The following DNAH1 variants were observed in gnomAD, a reference collection of about 807,000 sequenced individuals.
DNAH1 encodes the protein dynein axonemal heavy chain 1, also known as axonemal beta dynein heavy chain 1.
Under a neutral mutation model 484.3 loss-of-function variants are expected in DNAH1, and 327 were observed. The ratio of observed to expected loss-of-function variants is 0.68; its 90% CI spans 0.62 to 0.74. The LOEUF is 0.74. Among genes scored for constraint, DNAH1 ranks in the 30% least tolerant of loss-of-function variants. DNAH1 has a pLI of 0.00. For missense variants in DNAH1, 5,052 were observed against 5,546.8 expected, an observed-to-expected ratio of 0.91 and a Z score of 2.83; for synonymous variants, 2,192 against 2,191.9, an observed-to-expected ratio of 1.00 and a Z score of 0.00.
In DNAH1 at chr3:52,362,576, C is replaced by A; in HGVS notation, c.5094+75C>A. On this transcript the variant is annotated intron_variant, in intron 31 of 77. Transcript: ENST00000420323. This position sits in a 1 kb window ranked among gnomAD's most constrained non-coding sequence, Gnocchi z 5.1. The stretch of plus-strand genomic sequence containing the variant: ...GTTCAGAGATGCTAAGCCACTTATG[C>A]AAGGACACAGTTGCTTGGACTCCAG... 1 of 1,320,058 alleles carries A rather than the reference C, an allele frequency of 7.6e-7. No homozygotes were observed. Among genetic ancestry groups the A allele is most frequent in the Non-Finnish European group, 1.1e-6 (1 of 940,696 alleles). The allele number at this position is 1,320,058 out of a possible 1,614,324, so 81.8% of individuals were successfully genotyped here.
upstream of DNAH1, among the ~76,000 whole-genome samples, chr3:52,312,894 T>C (rs913795110): frequency 6.6e-6 from 1 of 151,950 alleles, no homozygotes; most frequent in Admixed American, 6.6e-5. Flanking sequence ...CCTCGTGATC[T>C]GCCCGCCTCA....
upstream of DNAH1, among the ~76,000 whole-genome samples, chr3:52,312,954 A>G (rs368504711): frequency 8.6e-5 from 13 of 152,046 alleles, no homozygotes; most frequent in African/African-American, 3.1e-4. Context: ...GCCCAGCCTA[A>G]TTTTTGTATT....
intron 7 of DNAH1, 97 bp downstream of exon 7, chr3:52,331,406 T>C (rs1346326884): frequency 1.5e-6 from 2 of 1,375,536 alleles, no homozygotes; most frequent in Non-Finnish European, 2.0e-6. Context: ...CCAGATCAGG[T>C]CTGAATTCTA....
chr3:52,351,704 T>C (rs1237812863), intron 16 of DNAH1, among the ~76,000 whole-genome samples: 2 of 152,194 alleles, frequency 1.3e-5, no homozygotes. Context: ...ACTGGGCACC[T>C]TGGGTCTGCA....
At chr3:52,338,805 C>T (rs922100274) in intron 8 of DNAH1, among the ~76,000 whole-genome samples, 20 of 150,910 alleles carry the variant, frequency 1.3e-4, no homozygotes, top group African/African-American at 3.4e-4. Context: ...GTGGGTGGAT[C>T]GCCTGAGGTC....
chr3:52,344,588 C>G lies in DNAH1; in HGVS notation c.1385C>G (p.Pro462Arg), dbSNP rs781579865. 4 of 1,613,888 alleles carry G rather than the reference C, an allele frequency of 2.5e-6. No homozygotes were observed. Among genetic ancestry groups the G allele is most frequent in the Non-Finnish European group, 3.4e-6 (4 of 1,179,882 alleles). ...TTTGACCACGTTGTCTCTTCCAAGCCCGAGACCTTCTCCTACGTCACCCTC... is the reference window on the plus strand; with the variant it reads ...TTTGACCACGTTGTCTCTTCCAAGCGCGAGACCTTCTCCTACGTCACCCTC... ...INFDHVVSSK[P>R]ETFSYVTLPK... Residue 462 changes from proline (P) to arginine (R), a missense_variant, in exon 9 of 78, where the codon CCC becomes CGC. Physicochemically the swap from Pro to Arg is moderately radical, Grantham distance 103. Transcript: ENST00000420323.
At chr3:52,357,813 G>A in intron 23 of DNAH1, 78 bp downstream of exon 23, 1 of 1,577,580 alleles carries the variant, frequency 6.3e-7, no homozygotes, top group Non-Finnish European at 8.6e-7. Context: ...GCTCAGGCTA[G>A]GGTGCGGGGA....
chr3:52,323,748 C>T (rs903811881), intron 2 of DNAH1, 60 bp from the exon 3 acceptor site: 34 of 1,451,088 alleles, frequency 2.3e-5, no homozygotes, highest in Middle Eastern at 1.7e-4. Context: ...GGGTCCCTCC[C>T]GGGTCCTGCC....
chr3:52,382,093 CTCAGAA>C (rs1013099803), intron 49 of DNAH1, among the ~76,000 whole-genome samples: 2 of 152,102 alleles, frequency 1.3e-5, no homozygotes, highest in African/African-American at 4.8e-5. Context: ...CAGGGCTGCT[CTCAGAA>C]TCAGAGCTGG....
chr3:52,374,063 A>G (rs758022054), intron 44 of DNAH1: 3 of 1,024,136 alleles, frequency 2.9e-6, no homozygotes, highest in East Asian at 2.4e-5. Context: ...GCAGCTTTTA[A>G]AGCTCTTTGA....
At chr3:52,318,789 G>A (rs1291249336) in intron 1 of DNAH1, among the ~76,000 whole-genome samples, 1 of 152,224 alleles carries the variant, frequency 6.6e-6, no homozygotes, top group Non-Finnish European at 1.5e-5. Context: ...GCCTGGGGGA[G>A]CAATAACCAT....
At chr3:52,359,530 G>A in intron 26 of DNAH1, 144 bp downstream of exon 26, 1 of 1,210,440 alleles carries the variant, frequency 8.3e-7, no homozygotes, top group South Asian at 1.6e-5. Context: ...CACCCTTGAA[G>A]TGTCTCACAA....
Position 52,399,443 on chromosome 3 carries a change from G to A in DNAH1, c.12442-102G>A, listed in dbSNP as rs556191028. 2.0e-5 allele frequency: 22 copies of A among 1,094,070 alleles called. 2 individuals carry two copies. The East Asian group carries it at 5.4e-4, about 27-fold the overall frequency. 67.8% of individuals were successfully genotyped at this position (1,094,070 alleles called of 1,614,324 possible). On this transcript the variant is annotated intron_variant, in intron 76 of 77. Transcript: ENST00000420323. ...GTGGTAGGTACGTGATGATGGGCAG[G>A]CAGGCAGCATTAGGCAGCTCTCTCA...
intron 39 of DNAH1, 107 bp from the exon 40 acceptor site, chr3:52,370,370 G>A: frequency 1.3e-6 from 2 of 1,563,054 alleles, no homozygotes; most frequent in Non-Finnish European, 1.7e-6. Context: ...ATTGGCTGTA[G>A]AGAAACAAAG....
rs757947098 is a variant in DNAH1, at chr3:52,395,714, C to T, written c.11259+36C>T. 2.1e-5 allele frequency: 34 copies of T among 1,600,906 alleles called. No homozygotes were observed. Among genetic ancestry groups the T allele is most frequent in the South Asian group, 5.6e-5 (5 of 89,678 alleles). ...CTGCCCATCACAGACCCAGTGGGGC[C>T]GCCTCTGCATCCATCAGGGACTAAT... On this transcript the variant is annotated intron_variant, in intron 70 of 77. Transcript: ENST00000420323. The surrounding 1 kb of genome is among the most constrained non-coding windows in gnomAD (Gnocchi z 4.4).
rs975564554 is a variant in DNAH1, at chr3:52,355,409, G to T, written c.3693+354G>T. On this transcript the variant is annotated intron_variant, in intron 21 of 77. Coordinates refer to ENST00000420323, the MANE Select transcript of DNAH1 (RefSeq NM_015512.5). The surrounding 1 kb of genome is among the most constrained non-coding windows in gnomAD (Gnocchi z 4.5). ...CTCCAGTACTGACACTTTCTGGGCC[G>T]GATGTCCCAAGGTCCCAGAGCACCT... 6.6e-6 allele frequency among the ~76,000 whole-genome samples: 1 copy of T among 152,348 alleles called. No individual in the cohort carries two copies. Among genetic ancestry groups the T allele is most frequent in the South Asian group, 2.1e-4 (1 of 4,824 alleles).
In DNAH1 at chr3:52,393,326, C is replaced by T; in HGVS notation, c.10475-8C>T. ...TCTCCGCGCTGCCATCACTTCTCCA[C>T]TCCACAGACAACCTGAAGAAGCGCA... On this transcript the variant is annotated splice_polypyrimidine_tract_variant and splice_region_variant and intron_variant, in intron 65 of 77. Transcript: ENST00000420323. 1.2e-6 allele frequency: 2 copies of T among 1,613,888 alleles called. No individual in the cohort carries two copies. Among genetic ancestry groups the T allele is most frequent in the Non-Finnish European group, 1.7e-6 (2 of 1,179,758 alleles).
At chr3:52,330,699 A>C (rs540876394) in intron 6 of DNAH1, among the ~76,000 whole-genome samples, 1 of 152,286 alleles carries the variant, frequency 6.6e-6, no homozygotes, top group Non-Finnish European at 1.5e-5. Context: ...CCCTGTTCTC[A>C]GATGAGGGGC....
In DNAH1 at chr3:52,386,210, G is replaced by C. The variant is rs1704102014; in HGVS notation, c.8676G>C (p.Glu2892Asp). 6.2e-7 allele frequency: 1 copy of C among 1,613,788 alleles called. No individual in the cohort carries two copies. The highest frequency in any genetic ancestry group is 8.5e-7 in the Non-Finnish European group (1 of 1,179,884). ...CCCGGAATTCAGTGCAGACAGAGGAGATCAAAGCCAATGAGAAGGCCAAGA... is the reference window on the plus strand; with the variant it reads ...CCCGGAATTCAGTGCAGACAGAGGACATCAAAGCCAATGAGAAGGCCAAGA... ...EETRNSVQTE[E>D]IKANEKAKKA... The change falls in exon 55 of 78, where the codon GAG becomes GAC. Residue 2892 changes from glutamate to aspartate, a missense_variant. Around this residue, in one of 4 missense-constraint regions of DNAH1, gnomAD observed 2,929 missense variants for 3,409.4 expected, o/e 0.86. Coordinates refer to ENST00000420323, the MANE Select transcript of DNAH1 (RefSeq NM_015512.5).
Sources: allele counts gnomAD v4.1 joint callset (sites outside exome capture counted in the v4.1 genomes callset), GRCh38; gene constraint gnomAD v4.1.1; regional missense constraint gnomAD v4.1.1; non-coding constraint Gnocchi (gnomAD v3.1); transcripts MANE v1.5; gene names NCBI Gene and HGNC (gene_info 2026-07-23, HGNC 2026-07-21).